The following MCM5 variants were observed in gnomAD, a reference collection of about 807,000 sequenced individuals.
MCM5 encodes the protein DNA replication licensing factor MCM5.
Under a neutral mutation model 79.9 loss-of-function variants are expected in MCM5, and 46 were observed. The observed-to-expected ratio is 0.58, with a 90% CI of 0.45 to 0.74. The LOEUF is 0.74. Among genes scored for constraint, MCM5 ranks in the 30% least tolerant of loss-of-function variants. MCM5 has a pLI of 0.00. For missense variants in MCM5, 883 were observed against 1,017.0 expected, an observed-to-expected ratio of 0.87 and a Z score of 1.79; for synonymous variants, 404 against 390.5, an observed-to-expected ratio of 1.03 and a Z score of -0.41.
Position 35,421,463 on chromosome 22 carries a change from G to A in MCM5, c.1975+3G>A. On this transcript the variant is annotated splice_donor_region_variant and intron_variant, in intron 15 of 16. Transcript: ENST00000216122. ...TGCCTTGTCCGGTACCCTGTCAGGT[G>A]AGCAGATGCAGGGGCCATGGTCTCA... The A allele has an allele frequency of 6.2e-7, 1 of 1,614,094 alleles. No individual in the cohort carries two copies. The highest frequency in any genetic ancestry group is 1.1e-5 in the South Asian group (1 of 91,080).
At chr22:35,452,999 C>T in the MCM5 span, among the ~76,000 whole-genome samples, 1 of 152,104 alleles carries the variant, frequency 6.6e-6, no homozygotes, top group South Asian at 2.1e-4. Flanking sequence ...ATGGAGAGGG[C>T]TGCTCAGGGT....
chr22:35,430,355 CAAG>C (rs1932804035), downstream of MCM5, among the ~76,000 whole-genome samples: 1 of 152,212 alleles, frequency 6.6e-6, no homozygotes, highest in Non-Finnish European at 1.5e-5. Flanking sequence ...AGTGAAATAA[CAAG>C]AGCTTTGCCA....
chr22:35,404,142 A>C (rs1472507122), intron 4 of MCM5, among the ~76,000 whole-genome samples: 1 of 151,984 alleles, frequency 6.6e-6, no homozygotes, highest in East Asian at 1.9e-4. Context: ...CAGACATGAC[A>C]CTTTATCCCG....
intron 8 of MCM5, 63 bp downstream of exon 8, chr22:35,412,744 A>G (rs531561197): frequency 7.6e-7 from 1 of 1,310,194 alleles, no homozygotes; most frequent in East Asian, 2.7e-5. Context: ...CAGTAGGATA[A>G]TTACTGGATA....
the MCM5 span, among the ~76,000 whole-genome samples, chr22:35,443,258 C>T: frequency 6.6e-6 from 1 of 152,182 alleles, no homozygotes; most frequent in Admixed American, 6.5e-5. Flanking sequence ...GTGATCTCAG[C>T]TCACTGCAAC....
At chr22:35,411,041 C>A in intron 7 of MCM5, 131 bp downstream of exon 7, 1 of 785,970 alleles carries the variant, frequency 1.3e-6, no homozygotes, top group Non-Finnish European at 2.0e-6. Flanking sequence ...TTAGAACGTT[C>A]ATTTTTATAT....
At chr22:35,412,725 T>G in intron 8 of MCM5, 44 bp downstream of exon 8, 1 of 1,393,782 alleles carries the variant, frequency 7.2e-7, no homozygotes, top group Non-Finnish European at 9.5e-7. Context: ...CGGCTGATGA[T>G]GGGGCTCACA....
the MCM5 span, among the ~76,000 whole-genome samples, chr22:35,451,979 T>G: frequency 6.6e-6 from 1 of 152,142 alleles, no homozygotes; most frequent in African/African-American, 2.4e-5. Flanking sequence ...GGTGATGGGG[T>G]GGGAGGGTCT....
At chr22:35,445,588 C>T in the MCM5 span, among the ~76,000 whole-genome samples, 1 of 151,778 alleles carries the variant, frequency 6.6e-6, no homozygotes, top group Admixed American at 6.6e-5. Context: ...CAGCTCACTG[C>T]AAGCTCTGCC....
the MCM5 span, among the ~76,000 whole-genome samples, chr22:35,449,857 C>T: frequency 6.6e-6 from 1 of 152,204 alleles, no homozygotes; most frequent in Non-Finnish European, 1.5e-5. Context: ...TCACTGTTCA[C>T]TGCAGCCTCA....
intron 4 of MCM5, 25 bp downstream of exon 4, chr22:35,403,567 G>T (rs1400361032): frequency 6.2e-7 from 1 of 1,609,470 alleles, no homozygotes. Flanking sequence ...AGTGGCTGCT[G>T]CATGGTGCAG....
chr22:35,405,714 A>C (rs551001725), intron 4 of MCM5, among the ~76,000 whole-genome samples: 1 of 152,282 alleles, frequency 6.6e-6, no homozygotes, highest in African/African-American at 2.4e-5. Context: ...ATCACACTTA[A>C]AAATTAACAT....
chr22:35,416,833 C>T lies in MCM5; in HGVS notation c.1590+19C>T. On this transcript the variant is annotated intron_variant, in intron 12 of 16. Coordinates refer to ENST00000216122, the MANE Select transcript of MCM5 (RefSeq NM_006739.4). ...GGATGTGGTACGTCCAGGGGCAGGG[C>T]TGGTGGCCATGGGACCTGCCTCCAG... 1 of 1,609,542 alleles carries T rather than the reference C, an allele frequency of 6.2e-7. No homozygotes were observed. Among genetic ancestry groups the T allele is most frequent in the South Asian group, 1.1e-5 (1 of 90,910 alleles).
the MCM5 span, among the ~76,000 whole-genome samples, chr22:35,450,440 C>A: frequency 1.9e-3 from 290 of 152,286 alleles, 3 homozygotes; most frequent in African/African-American, 6.8e-3. Context: ...CTTTCCCTCT[C>A]CCCTCCTGGG....
At chr22:35,454,236 G>GT in the MCM5 span, among the ~76,000 whole-genome samples, 11 of 152,104 alleles carry the variant, frequency 7.2e-5, no homozygotes, top group South Asian at 1.9e-3. Flanking sequence ...AAGTCTGCAC[G>GT]TTCTCTAAGG....
chr22:35,448,131 G>A, the MCM5 span, among the ~76,000 whole-genome samples: 10 of 152,326 alleles, frequency 6.6e-5, no homozygotes, highest in Non-Finnish European at 1.5e-4. Flanking sequence ...AGGGCTTGGG[G>A]GAGGAGTCAG....
chr22:35,410,631 G>A (rs777381108), intron 6 of MCM5, 113 bp from the exon 7 acceptor site: 10 of 1,044,276 alleles, frequency 9.6e-6, no homozygotes, highest in African/African-American at 6.3e-5. Flanking sequence ...TGTGGTGCCT[G>A]TGGCAAAAAT....
chr22:35,430,946 A>G, the MCM5 span, among the ~76,000 whole-genome samples: 2 of 151,242 alleles, frequency 1.3e-5, no homozygotes, highest in African/African-American at 4.9e-5. Context: ...GAATGAGGGC[A>G]CTCCTCTCCA....
intron 7 of MCM5, among the ~76,000 whole-genome samples, chr22:35,411,834 A>G (rs929447006): frequency 2.6e-5 from 4 of 152,160 alleles, no homozygotes; most frequent in Admixed American, 6.5e-5. Flanking sequence ...CTGATTTGAC[A>G]TGTTCACTTA....
Sources: gnomAD v4.1 joint callset for allele counts (sites outside exome capture counted in the v4.1 genomes callset) on GRCh38, gnomAD v4.1.1 for gene constraint, MANE v1.5 for transcripts, NCBI Gene and HGNC (gene_info 2026-07-23, HGNC 2026-07-21) for gene names.